Variants in RSAD2 observed in about 807,000 individuals in gnomAD.
The protein encoded by RSAD2 is radical S-adenosyl methionine domain containing 2.
RSAD2 carries 38 observed loss-of-function variants against 37.7 expected under a neutral mutation model. The ratio of observed to expected loss-of-function variants is 1.01; its 90% CI spans 0.78 to 1.32. The LOEUF is 1.32. Ranked by LOEUF, RSAD2 falls within the 40% of genes most tolerant of loss-of-function variation. The pLI, the probability that RSAD2 is intolerant of heterozygous loss-of-function variation, is 0.00. For synonymous variants in RSAD2, 163 were observed against 157.4 expected (o/e 1.04, Z -0.27); for missense variants, 428 against 437.5 (o/e 0.98, Z 0.19).
chr2:6,872,314 G>T (rs535466863), intron 1 of RSAD2, among the ~76,000 whole-genome samples: 2 of 152,228 alleles, frequency 1.3e-5, no homozygotes, highest in East Asian at 3.9e-4. Flanking sequence ...GAGTTCTTTG[G>T]ATCTGTTAGT....
At chr2:6,893,915 AC>A (rs1204716977) in intron 5 of RSAD2, among the ~76,000 whole-genome samples, 1 of 152,164 alleles carries the variant, frequency 6.6e-6, no homozygotes, top group Non-Finnish European at 1.5e-5. Flanking sequence ...ATAAGCTTCA[AC>A]CCAGGTCCCA....
intron 5 of RSAD2, among the ~76,000 whole-genome samples, chr2:6,894,019 A>C (rs1358893591): frequency 2.0e-5 from 3 of 152,086 alleles, no homozygotes; most frequent in Non-Finnish European, 4.4e-5. Context: ...CACACAACAG[A>C]GTCATCTGTT....
chr2:6,879,006 G>A (rs956708285), intron 1 of RSAD2: 98 of 476,720 alleles, frequency 2.1e-4, no homozygotes, highest in African/African-American at 1.5e-3. Flanking sequence ...CATCACCAGC[G>A]CCAGAAGTGC....
chr2:6,890,744 T>C (rs1444769556), intron 4 of RSAD2, among the ~76,000 whole-genome samples: 1 of 152,242 alleles, frequency 6.6e-6, no homozygotes. Flanking sequence ...AATCTCTATG[T>C]ATAATTTTGT....
intron 4 of RSAD2, among the ~76,000 whole-genome samples, chr2:6,891,653 G>C (rs6748651): frequency 0.057 from 8,732 of 152,190 alleles, 341 homozygotes; most frequent in African/African-American, 0.11. Context: ...TGTAGTCCCA[G>C]CTACTCGAGA....
At chr2:6,866,327 G>T in intron 1 of RSAD2, 7 of 620,874 alleles carry the variant, frequency 1.1e-5, no homozygotes, top group Non-Finnish European at 1.4e-5. Context: ...CTGCTTTCCT[G>T]CGGGAACAGG....
intron 2 of RSAD2, chr2:6,883,782 A>T (rs1338197900): frequency 8.8e-6 from 4 of 454,690 alleles, no homozygotes; most frequent in Non-Finnish European, 1.6e-5. Context: ...ACTATCTTGT[A>T]CATTGCAATT....
intron 1 of RSAD2, among the ~76,000 whole-genome samples, chr2:6,882,157 G>T (rs1412891749): frequency 6.6e-6 from 1 of 152,150 alleles, no homozygotes; most frequent in Non-Finnish European, 1.5e-5. Context: ...CTTCATCACA[G>T]AAATTCCATT....
chr2:6,874,159 C>G (rs769927042), upstream of RSAD2, among the ~76,000 whole-genome samples: 84 of 152,136 alleles, frequency 5.5e-4, no homozygotes, highest in Non-Finnish European at 1.1e-3. Context: ...CTTGCTCCTG[C>G]TCTGGACATG....
intron 2 of RSAD2, among the ~76,000 whole-genome samples, chr2:6,885,381 A>G (rs1381515775): frequency 2.0e-5 from 3 of 152,248 alleles, no homozygotes; most frequent in Non-Finnish European, 4.4e-5. Flanking sequence ...CAGGACCCCA[A>G]CAACGCAACC....
chr2:6,889,950 C>T (rs1246374375), intron 3 of RSAD2, among the ~76,000 whole-genome samples: 3 of 152,088 alleles, frequency 2.0e-5, no homozygotes, highest in African/African-American at 7.2e-5. Flanking sequence ...ATAATCTAGA[C>T]AAGTTTTTGA....
At chr2:6,871,749 T>C (rs1663208551) in intron 1 of RSAD2, among the ~76,000 whole-genome samples, 1 of 152,196 alleles carries the variant, frequency 6.6e-6, no homozygotes, top group African/African-American at 2.4e-5. Context: ...GTCTACCAGA[T>C]TGGCTTCTAA....
At chr2:6,883,756 A>G in intron 2 of RSAD2, 1 of 553,976 alleles carries the variant, frequency 1.8e-6, no homozygotes. Flanking sequence ...TAGATAATAG[A>G]CCTTTTACTG....
chr2:6,894,168 A>G (rs1214937892), intron 5 of RSAD2, among the ~76,000 whole-genome samples: 1 of 152,144 alleles, frequency 6.6e-6, no homozygotes, highest in Non-Finnish European at 1.5e-5. Flanking sequence ...TGGCTTTCCT[A>G]AGGAGAGGCT....
intron 4 of RSAD2, 32 bp downstream of exon 4, chr2:6,890,357 A>T (rs1474675135): frequency 6.2e-7 from 1 of 1,609,922 alleles, no homozygotes; most frequent in Non-Finnish European, 8.5e-7. Flanking sequence ...TTTCTTTGTC[A>T]TCATACATTC....
intron 5 of RSAD2, among the ~76,000 whole-genome samples, chr2:6,895,221 A>G (rs1663747437): frequency 6.6e-6 from 1 of 152,188 alleles, no homozygotes; most frequent in Non-Finnish European, 1.5e-5. Flanking sequence ...CTGCCATGGA[A>G]GACTCCTCTT....
intron 2 of RSAD2, chr2:6,883,941 G>C (rs1663465904): frequency 6.0e-6 from 1 of 165,992 alleles, no homozygotes. Flanking sequence ...ATTAGCCAAG[G>C]TGGAGGGCTC....
intron 1 of RSAD2, among the ~76,000 whole-genome samples, chr2:6,870,795 A>G (rs1330823568): frequency 1.3e-5 from 2 of 152,218 alleles, no homozygotes; most frequent in African/African-American, 4.8e-5. Flanking sequence ...GGATGCTCAC[A>G]GTAAGGGCAC....
intron 4 of RSAD2, among the ~76,000 whole-genome samples, chr2:6,892,420 T>C (rs1344859996): frequency 6.6e-6 from 1 of 152,216 alleles, no homozygotes; most frequent in Non-Finnish European, 1.5e-5. Context: ...TAATATGACA[T>C]CAAAGAAAAT....
Sources: allele counts gnomAD v4.1 joint callset (sites outside exome capture counted in the v4.1 genomes callset), GRCh38; gene constraint gnomAD v4.1.1; transcripts MANE v1.5; gene names NCBI Gene and HGNC (gene_info 2026-07-23, HGNC 2026-07-21).